Variants in HTT observed in about 807,000 individuals in gnomAD.
HTT encodes huntington disease protein.
A neutral mutation model predicts 362.3 loss-of-function variants in HTT; 104 were observed. The observed-to-expected ratio is 0.29, with a 90% confidence interval of 0.24 to 0.34. HTT has a LOEUF of 0.34. Ranked by LOEUF, HTT falls within the 10% of genes least tolerant of loss-of-function variation. The pLI is 1.00. For missense variants in HTT, 3,301 were observed against 3,928.6 expected, an observed-to-expected ratio of 0.84 and a Z score of 4.27; for synonymous variants, 1,577 against 1,548.7, an observed-to-expected ratio of 1.02 and a Z score of -0.43.
intron 25 of HTT, 49 bp from the exon 26 acceptor site, chr4:3,147,956 C>T (rs771084036): frequency 2.8e-6 from 4 of 1,454,446 alleles, no homozygotes; most frequent in Non-Finnish European, 3.8e-6. Context: ...GCAATTTGTC[C>T]TTCCCATGCT....
rs79484319 is a variant in HTT at position 3,198,586 on chromosome 4, G to A, written c.5369-1146G>A. The stretch of plus-strand genomic sequence containing the variant: ...AGTGATGCCAGGCAGCCCAGATCTG[G>A]GGGAGAGGGTGGCCTTGGCCAGCTG... On this transcript the variant is annotated intron_variant, in intron 40 of 66. Coordinates refer to ENST00000355072, the MANE Select transcript of HTT (RefSeq NM_001388492.1). Among the ~76,000 whole-genome samples, 38 of 152,296 alleles carry A rather than the reference G, an allele frequency of 2.5e-4. 1 individual carries two copies. In the East Asian group the frequency reaches 7.3e-3, roughly 29 times the overall value.
chr4:3,147,888 A>T, intron 25 of HTT, 117 bp from the exon 26 acceptor site: 1 of 721,058 alleles, frequency 1.4e-6, no homozygotes, highest in Non-Finnish European at 2.3e-6. Flanking sequence ...GTTGAATATC[A>T]GGCACAGATG....
Position 3,131,658 on chromosome 4 carries a change from G to A in HTT, c.2119G>A (p.Val707Met). 2 of 1,613,912 alleles carry A rather than the reference G, an allele frequency of 1.2e-6. No homozygotes were observed. The highest frequency in any genetic ancestry group is 1.7e-6 in the Non-Finnish European group (2 of 1,179,972). ...GGCAGTGCTGGTTCCGGACAGGGAT[G>A]TGAGGGTCAGCGTGAAGGCCCTGGC... ...GKNVLVPDRD[V>M]RVSVKALALS... The change falls in exon 16 of 67, where the codon GTG (valine) becomes ATG (methionine). Residue 707 changes from valine to methionine, a missense_variant. Around this residue, in one of 4 missense-constraint regions of HTT, gnomAD observed 2,316 missense variants for 2,658.5 expected, o/e 0.87. Coordinates refer to ENST00000355072, the MANE Select transcript of HTT (RefSeq NM_001388492.1).
At chr4:3,078,797 C>T (rs1479678719) in intron 1 of HTT, among the ~76,000 whole-genome samples, 5 of 151,190 alleles carry the variant, frequency 3.3e-5, no homozygotes, top group East Asian at 3.9e-4. Flanking sequence ...TGCAGTGGCG[C>T]GATCTCAGCT....
rs374796460 is a variant in HTT at position 3,130,324 on chromosome 4, A to G, written c.1887A>G (p.Leu629=). The change falls in exon 14 of 67, where the codon TTA becomes TTG. Residue 629 remains leucine, a synonymous_variant. Transcript: ENST00000355072. ...TTAAAGCCCTTCAACAGGCACATTT[A>G]TTGAAAAACATGAGTCACTGCAGGC... The part of the protein sequence containing the change: ...NSSMALQQAH[L]LKNMSHCRQP... 74 of 1,587,864 alleles carry G rather than the reference A, an allele frequency of 4.7e-5. No individual in the cohort carries two copies. Among genetic ancestry groups the G allele is most frequent in the Non-Finnish European group, 2.8e-5 (33 of 1,165,666 alleles).
chr4:3,214,966 T>C (rs1720328472), intron 50 of HTT, 144 bp from the exon 51 acceptor site: 1 of 632,270 alleles, frequency 1.6e-6, no homozygotes, highest in Non-Finnish European at 2.8e-6. Context: ...TATTGTCTGT[T>C]TGTCTAAAAT....
chr4:3,191,712 A>G (rs1252401432), intron 40 of HTT, among the ~76,000 whole-genome samples: 4 of 152,244 alleles, frequency 2.6e-5, no homozygotes, highest in Non-Finnish European at 4.4e-5. Context: ...AGACCAAAAT[A>G]TAGAGGCTTC....
chr4:3,084,043 A>G (rs1408234228), intron 1 of HTT, among the ~76,000 whole-genome samples: 1 of 152,162 alleles, frequency 6.6e-6, no homozygotes, highest in African/African-American at 2.4e-5. Flanking sequence ...TTGCAATGGC[A>G]CAGTTTTAGG....
intron 11 of HTT, 142 bp downstream of exon 11, chr4:3,125,771 C>A (rs540879115): frequency 2.1e-5 from 13 of 633,030 alleles, no homozygotes; most frequent in Admixed American, 5.4e-5. Flanking sequence ...GGGGCATATT[C>A]GGGCTTCTTT....
intron 40 of HTT, among the ~76,000 whole-genome samples, chr4:3,189,349 C>T (rs749432167): frequency 1.3e-5 from 2 of 152,124 alleles, no homozygotes; most frequent in African/African-American, 2.4e-5. Context: ...GCATTATTCA[C>T]GATAGCTAAA....
At position 3,136,326 on chromosome 4, in the gene HTT, G is replaced by C; in HGVS notation, c.2798G>C (p.Arg933Thr). 1 of 1,529,828 alleles carries C rather than the reference G, an allele frequency of 6.5e-7. No individual in the cohort carries two copies. Among genetic ancestry groups the C allele is most frequent in the Non-Finnish European group, 9.0e-7 (1 of 1,108,348 alleles). 94.8% of individuals were successfully genotyped at this position (1,529,828 alleles called of 1,614,324 possible). A position where few individuals can be genotyped will look rare whatever the true frequency, so the allele number is the denominator to read the frequency against. The change falls in exon 21 of 67, where the codon AGG becomes ACG. Residue 933 changes from arginine to threonine, a missense_variant and splice_region_variant. Transcript: ENST00000355072. ...VRHVAAASLI[R>T]LVPKLFYKCD... ...CATGTTGCCGCAGCATCACTAATTA[G>C]GTATTTACCAATATTTTATCTCTTT...
At position 3,212,056 on chromosome 4, in the gene HTT, A is replaced by G. The variant is rs919738345; in HGVS notation, c.6542A>G (p.Gln2181Arg). ...VTLARVSGTV[Q>R]QLPAVHHVFQ... ...CTGGCCCGTGTGAGCGGCACCGTGC[A>G]GCAGCTCCCTGCTGTCCATCATGTC... is the stretch of plus-strand genomic sequence containing the variant. Residue 2181 changes from glutamine to arginine, a missense_variant, in exon 48 of 67, where the codon CAG becomes CGG. Physicochemically the swap from Gln to Arg is conservative, Grantham distance 43. Around this residue, in one of 4 missense-constraint regions of HTT, gnomAD observed 2,316 missense variants for 2,658.5 expected, o/e 0.87. Coordinates refer to ENST00000355072, the MANE Select transcript of HTT (RefSeq NM_001388492.1). 10 of 1,614,232 alleles carry G rather than the reference A, an allele frequency of 6.2e-6. No homozygotes were observed. Among genetic ancestry groups the G allele is most frequent in the Non-Finnish European group, 8.5e-6 (10 of 1,180,042 alleles).
chr4:3,169,022 C>CTTTTTTTT (rs761540640), intron 29 of HTT, among the ~76,000 whole-genome samples: 1 of 141,126 alleles, frequency 7.1e-6, no homozygotes. Flanking sequence ...TTCTTTCTTT[C>CTTTTTTTT]TTTTTTTTTT....
rs1719878078 is a variant in HTT at position 3,206,818 on chromosome 4, G to A, written c.5910G>A (p.Leu1970=). The change falls in exon 44 of 67, where the codon CTG becomes CTA. Residue 1970 remains leucine (L), a synonymous_variant. Coordinates refer to ENST00000355072, the MANE Select transcript of HTT (RefSeq NM_001388492.1). The surrounding 1 kb of genome is among the most constrained non-coding windows in gnomAD (Gnocchi z 4.6). ...RCENLSTPTM[L]KKTLQCLEGI... Reference sequence around the variant, plus strand: ...CTTCTTGCTGTTAGCCAACCATGCTGAAGAAAACTCTTCAGTGCTTGGAGG... The same window carrying A: ...CTTCTTGCTGTTAGCCAACCATGCTAAAGAAAACTCTTCAGTGCTTGGAGG... The A allele has an allele frequency of 1.2e-6, 2 of 1,600,344 alleles. No homozygotes were observed. The highest frequency in any genetic ancestry group is 1.7e-6 in the Non-Finnish European group (2 of 1,171,924).
At chr4:3,179,874 G>A (rs191793898) in intron 35 of HTT, among the ~76,000 whole-genome samples, 31 of 151,298 alleles carry the variant, frequency 2.0e-4, no homozygotes, top group African/African-American at 7.0e-4. Flanking sequence ...GTGCTCATGT[G>A]TGAGCGTATG....
Position 3,130,405 on chromosome 4 carries a change from G to T in HTT, c.1968G>T (p.Pro656=). The T allele has an allele frequency of 1.3e-6, 2 of 1,595,306 alleles. No homozygotes were observed. Among genetic ancestry groups the T allele is most frequent in the South Asian group, 2.3e-5 (2 of 88,790 alleles). The change falls in exon 14 of 67, where the codon CCG becomes CCT. Residue 656 remains proline, a synonymous_variant. Transcript: ENST00000355072. The part of the protein sequence containing the change: ...KFVLRDEATE[P]GDQENKPCRI... The stretch of plus-strand genomic sequence containing the variant: ...TGTTGAGAGATGAAGCTACTGAACC[G>T]GGTGATCAAGAAAACAAGGTGAGGG...
In HTT at chr4:3,127,498, T is replaced by G; in HGVS notation, c.1637T>G (p.Met546Arg). Residue 546 changes from methionine (M) to arginine (R), a missense_variant, in exon 12 of 67, where the codon ATG becomes AGG. Physicochemically the swap from Met to Arg is moderately conservative, Grantham distance 91. This residue lies in a region of HTT where 2,316 missense variants were observed against 2,658.5 expected (regional missense o/e 0.87). Transcript: ENST00000355072. ...QVSAVPSDPAMDLNDGTQASS... is the reference protein window; with the variant it reads ...QVSAVPSDPARDLNDGTQASS... ...AGCGCCGTCCCATCTGACCCTGCCA[T>G]GGACCTGAATGATGGGACCCAGGCC... The G allele has an allele frequency of 6.2e-7, 1 of 1,614,198 alleles. No individual in the cohort carries two copies. Among genetic ancestry groups the G allele is most frequent in the Non-Finnish European group, 8.5e-7 (1 of 1,180,018 alleles).
At chr4:3,150,119 C>T (rs1244360660) in intron 26 of HTT, among the ~76,000 whole-genome samples, 1 of 152,166 alleles carries the variant, frequency 6.6e-6, no homozygotes, top group African/African-American at 2.4e-5. Context: ...TAGGCTCTGT[C>T]CTAGGCCGTC....
In HTT at chr4:3,243,794, G is replaced by A. The variant is rs1721928310; in HGVS notation, c.*3735G>A. On this transcript the variant is annotated 3_prime_UTR_variant, in exon 67 of 67. Transcript: ENST00000355072. ...GTCAGAGGGACTGTCAGCTGAGCTT[G>A]AGCTCCCCTGGAGCCAGCAGGGCTG... 6.6e-6 allele frequency: 1 copy of A among 152,288 alleles called. No homozygotes were observed. Among genetic ancestry groups the A allele is most frequent in the Admixed American group, 6.5e-5 (1 of 15,290 alleles). The allele number at this position is 152,288 out of a possible 1,614,324, so 9.4% of individuals were successfully genotyped here. A position where few individuals can be genotyped will look rare whatever the true frequency, so the allele number is the denominator to read the frequency against.
Sources: allele counts gnomAD v4.1 joint callset (sites outside exome capture counted in the v4.1 genomes callset), GRCh38; gene constraint gnomAD v4.1.1; regional missense constraint gnomAD v4.1.1; non-coding constraint Gnocchi (gnomAD v3.1); transcripts MANE v1.5; gene names NCBI Gene and HGNC (gene_info 2026-07-23, HGNC 2026-07-21).